Variants in FBXO40 observed in about 807,000 individuals in gnomAD.
FBXO40 encodes F-box protein 40.
In FBXO40, 50 loss-of-function variants were observed where a neutral mutation model predicts 49.9. The ratio of observed to expected loss-of-function variants is 1.00; its 90% CI spans 0.80 to 1.27. FBXO40 has a LOEUF of 1.27. Among genes scored for constraint, FBXO40 ranks in the 50% most tolerant of loss-of-function variants. The probability of loss-of-function intolerance (pLI) is 0.00; values close to 1 mark genes in which losing one functional copy is unlikely to be tolerated. For synonymous variants in FBXO40, 340 were observed against 320.2 expected (o/e 1.06, Z -0.66); for missense variants, 895 against 870.1 (o/e 1.03, Z -0.36).
intron 1 of FBXO40, among the ~76,000 whole-genome samples, chr3:121,600,524 A>G (rs2048896683): frequency 6.6e-6 from 1 of 152,228 alleles, no homozygotes; most frequent in African/African-American, 2.4e-5. Context: ...AAGGAAGGGC[A>G]TCTGGCTCCT....
In FBXO40 at chr3:121,621,844, A is replaced by T; in HGVS notation, c.415A>T (p.Arg139Ter). Residue 139 changes from arginine to a stop codon, truncating the protein, a stop_gained, in exon 3 of 4, where the codon AGA becomes TGA. Transcript: ENST00000338040. LOFTEE classifies it high-confidence loss of function. ...CCTGCAGGATCAGAAGGTCCTCTTC[A>T]GATCCTTGAAAATGGTGGAACTTTT... is the stretch of plus-strand genomic sequence containing the variant. ...LALQDQKVLFRSLKMVELFPE... is the reference protein window; with the variant it reads ...LALQDQKVLF 6.2e-7 allele frequency: 1 copy of T among 1,614,242 alleles called. No homozygotes were observed. The highest frequency in any genetic ancestry group is 8.5e-7 in the Non-Finnish European group (1 of 1,180,042).
chr3:121,610,015 C>G (rs2048956079), intron 1 of FBXO40, among the ~76,000 whole-genome samples: 1 of 152,236 alleles, frequency 6.6e-6, no homozygotes, highest in African/African-American at 2.4e-5. Context: ...ACTCTTAGGT[C>G]TGCTGGGCCA....
chr3:121,621,678 G>A lies in FBXO40; in HGVS notation c.249G>A (p.Lys83=), dbSNP rs377285885. ...PLSMSRHKLA[K]HLQVCPASVV... is the part of the protein sequence containing the mutation. ...CCATGTCCCGCCACAAACTGGCCAAGCACCTGCAGGTGTGCCCCGCCAGCG... is the reference window on the plus strand; with the variant it reads ...CCATGTCCCGCCACAAACTGGCCAAACACCTGCAGGTGTGCCCCGCCAGCG... Residue 83 remains lysine (K), a synonymous_variant, in exon 3 of 4, where the codon AAG becomes AAA. Coordinates refer to ENST00000338040, the MANE Select transcript of FBXO40 (RefSeq NM_016298.4). 1.9e-6 allele frequency: 3 copies of A among 1,614,224 alleles called. No homozygotes were observed. The highest frequency in any genetic ancestry group is 1.7e-5 in the Admixed American group (1 of 60,036).
intron 1 of FBXO40, among the ~76,000 whole-genome samples, chr3:121,597,658 C>CTTTTTT: frequency 7.8e-6 from 1 of 127,818 alleles, no homozygotes; most frequent in Non-Finnish European, 1.6e-5. Flanking sequence ...TTATAGGCCC[C>CTTTTTT]CTTTTTTTTT....
At chr3:121,611,580 C>T (rs542272966) in intron 1 of FBXO40, among the ~76,000 whole-genome samples, 1 of 152,144 alleles carries the variant, frequency 6.6e-6, no homozygotes, top group Non-Finnish European at 1.5e-5. Context: ...GGTTTTATAC[C>T]GAGACATTCA....
chr3:121,607,186 A>T (rs2048935976), intron 1 of FBXO40, among the ~76,000 whole-genome samples: 1 of 145,048 alleles, frequency 6.9e-6, no homozygotes, highest in African/African-American at 2.6e-5. Context: ...AATCGCTTGA[A>T]CTCAGGAGGC....
At chr3:121,621,292 G>A (rs1475881052) in intron 2 of FBXO40, 141 bp from the exon 3 acceptor site, 2 of 681,408 alleles carry the variant, frequency 2.9e-6, no homozygotes, top group Admixed American at 2.9e-5. Context: ...TTGTGGGATT[G>A]TGATATTCCA....
Position 121,628,863 on chromosome 3 carries a change from CT to C in FBXO40, c.*1956del, listed in dbSNP as rs2049077717. The C allele has an allele frequency of 6.6e-6, 1 of 152,210 alleles. No homozygotes were observed. Among genetic ancestry groups the C allele is most frequent in the African/African-American group, 2.4e-5 (1 of 41,452 alleles). 9.4% of individuals were successfully genotyped at this position (152,210 alleles called of 1,614,324 possible). ...CCCAAGAATGTATCCTTTCAGCTCT[CT>C]TTGGTTATACCTGAAGCCAGGAGCG... is the stretch of plus-strand genomic sequence containing the variant. On this transcript the variant is annotated 3_prime_UTR_variant, in exon 4 of 4. Transcript: ENST00000338040.
At chr3:121,604,053 T>C (rs549495932) in intron 1 of FBXO40, among the ~76,000 whole-genome samples, 1 of 152,298 alleles carries the variant, frequency 6.6e-6, no homozygotes. Context: ...GCCTGGTAAA[T>C]AGGGGTTCCT....
In FBXO40 at chr3:121,624,939, CTGAT is replaced by C. The variant is rs151113348; in HGVS notation, c.1914+1601_1914+1604del. 5.6e-3 allele frequency among the ~76,000 whole-genome samples: 854 copies of C among 152,284 alleles called. 8 individuals carry two copies. Among genetic ancestry groups the C allele is most frequent in the African/African-American group, 0.019 (806 of 41,540 alleles). ...GTGCCGCCTGTTCCCAGCTGTGACT[CTGAT>C]TGATACAGGAGGCCAACAAATCTCC... On this transcript the variant is annotated intron_variant, in intron 3 of 3. Transcript: ENST00000338040.
In FBXO40 at chr3:121,621,821, TG is replaced by T. The variant is rs1189784380; in HGVS notation, c.393del (p.Gln132ArgfsTer10). The T allele has an allele frequency of 6.2e-7, 1 of 1,614,080 alleles. No homozygotes were observed. Among genetic ancestry groups the T allele is most frequent in the Non-Finnish European group, 8.5e-7 (1 of 1,180,034 alleles). On this transcript the variant is annotated frameshift_variant, in exon 3 of 4. Transcript: ENST00000338040. LOFTEE classifies it high-confidence loss of function. ...SEECLDTALA[L>X]QDQKVLFRSL... ...GAGTGTTTGGACACAGCCCTGGCCC[TG>T]CAGGATCAGAAGGTCCTCTTCAGAT...
chr3:121,626,008 A>G (rs1413091471), intron 3 of FBXO40, among the ~76,000 whole-genome samples: 1 of 152,196 alleles, frequency 6.6e-6, no homozygotes, highest in African/African-American at 2.4e-5. Flanking sequence ...TGGGGTTCCC[A>G]CTCTAGTGAG....
intron 1 of FBXO40, among the ~76,000 whole-genome samples, chr3:121,595,380 A>G (rs1273036961): frequency 6.6e-6 from 1 of 152,202 alleles, no homozygotes. Flanking sequence ...AACCAAGCAG[A>G]CAGATTGAGT....
chr3:121,610,504 G>A (rs2048958564), intron 1 of FBXO40, among the ~76,000 whole-genome samples: 1 of 152,102 alleles, frequency 6.6e-6, no homozygotes, highest in Non-Finnish European at 1.5e-5. Context: ...CTTGGAACAA[G>A]GTTGGGTTTT....
chr3:121,622,286 G>C lies in FBXO40; in HGVS notation c.857G>C (p.Gly286Ala). ...QDVRTAMETTGLAPWQDGVLE... is the reference protein window; with the variant it reads ...QDVRTAMETTALAPWQDGVLE... ...GTTCGTACAGCCATGGAAACCACAG[G>C]GCTTGCCCCTTGGCAGGATGGTGTT... The change falls in exon 3 of 4, where the codon GGG becomes GCG. Residue 286 changes from glycine to alanine, a missense_variant. Gly to Ala is a moderately conservative substitution (Grantham distance 60). Coordinates refer to ENST00000338040, the MANE Select transcript of FBXO40 (RefSeq NM_016298.4). The C allele has an allele frequency of 1.2e-6, 2 of 1,614,196 alleles. No individual in the cohort carries two copies. Among genetic ancestry groups the C allele is most frequent in the Non-Finnish European group, 1.7e-6 (2 of 1,180,042 alleles).
intron 1 of FBXO40, among the ~76,000 whole-genome samples, chr3:121,594,797 C>T (rs2048863205): frequency 6.6e-6 from 1 of 152,130 alleles, no homozygotes; most frequent in African/African-American, 2.4e-5. Context: ...CTTATATAGG[C>T]TTATGCACCA....
intron 1 of FBXO40, among the ~76,000 whole-genome samples, chr3:121,612,441 G>A (rs2048971276): frequency 6.6e-6 from 1 of 152,142 alleles, no homozygotes; most frequent in East Asian, 1.9e-4. Flanking sequence ...TGGGGAACTA[G>A]GAGTCTGACT....
chr3:121,621,873 A>G lies in FBXO40; in HGVS notation c.444A>G (p.Pro148=), dbSNP rs775854273. ...CCTTGAAAATGGTGGAACTTTTCCCAGAAACTAGAGAGGCTACTGAGGAGG... is the reference window on the plus strand; with the variant it reads ...CCTTGAAAATGGTGGAACTTTTCCCGGAAACTAGAGAGGCTACTGAGGAGG... ...FRSLKMVELF[P]ETREATEEEP... Residue 148 remains proline (P), a synonymous_variant, in exon 3 of 4, where the codon CCA becomes CCG. Transcript: ENST00000338040. The G allele has an allele frequency of 1.9e-6, 3 of 1,614,070 alleles. No individual in the cohort carries two copies. The highest frequency in any genetic ancestry group is 2.7e-5 in the African/African-American group (2 of 74,932).
At chr3:121,614,597 G>A (rs1458112040) in intron 1 of FBXO40, among the ~76,000 whole-genome samples, 1 of 152,164 alleles carries the variant, frequency 6.6e-6, no homozygotes, top group Non-Finnish European at 1.5e-5. Context: ...TACTCCCAAG[G>A]AGTTAGTGGC....
Sources: allele counts gnomAD v4.1 joint callset (sites outside exome capture counted in the v4.1 genomes callset), GRCh38; gene constraint gnomAD v4.1.1; transcripts MANE v1.5; gene names NCBI Gene and HGNC (gene_info 2026-07-23, HGNC 2026-07-21).